The following PCDH11X variants were observed in gnomAD, a reference collection of about 807,000 sequenced individuals.
PCDH11X encodes the protein protocadherin-11 X-linked.
A neutral mutation model predicts 53.3 loss-of-function variants in PCDH11X; 18 were observed. That is an observed-to-expected ratio of 0.34 (90% CI 0.23 to 0.50). The LOEUF is 0.50. Ranked by LOEUF, PCDH11X falls within the 20% of genes least tolerant of loss-of-function variation. The pLI is 0.98. For missense variants in PCDH11X, 570 were observed against 1,032.4 expected, an observed-to-expected ratio of 0.55 and a Z score of 6.14; for synonymous variants, 279 against 393.3, an observed-to-expected ratio of 0.71 and a Z score of 3.44.
At chrX:92,490,756 G>T (rs2073745295) in intron 10 of PCDH11X, among the ~76,000 whole-genome samples, 1 of 97,385 alleles carries the variant, frequency 1.0e-5, no homozygotes, top group Non-Finnish European at 2.0e-5. Context: ...GAGAAAGAAA[G>T]AAAGAGAAAG....
intron 5 of PCDH11X, among the ~76,000 whole-genome samples, chrX:91,870,685 A>G (rs2147712173): frequency 9.0e-6 from 1 of 111,198 alleles, no homozygotes; most frequent in East Asian, 2.8e-4. Context: ...AAAATTAACA[A>G]TACTATTATT....
intron 6 of PCDH11X, among the ~76,000 whole-genome samples, chrX:92,038,678 A>G (rs1477030845): frequency 9.2e-6 from 1 of 108,725 alleles, no homozygotes; most frequent in Non-Finnish European, 1.9e-5. Flanking sequence ...CTGAGTCCCC[A>G]CCCAAACCTC....
At chrX:92,043,302 C>T (rs1287759550) in intron 6 of PCDH11X, among the ~76,000 whole-genome samples, 3 of 109,720 alleles carry the variant, frequency 2.7e-5, no homozygotes, top group Non-Finnish European at 5.7e-5. Flanking sequence ...ACTGTTTTCC[C>T]TGTCAGTTCA....
intron 6 of PCDH11X, among the ~76,000 whole-genome samples, chrX:91,885,561 ATTGC>A (rs1266483903): frequency 1.8e-5 from 2 of 109,564 alleles, no homozygotes; most frequent in Non-Finnish European, 3.8e-5. Flanking sequence ...TTGCATTTTT[ATTGC>A]TTGTGTCATG....
chrX:91,968,765 T>C (rs1054831965), intron 6 of PCDH11X, among the ~76,000 whole-genome samples: 3 of 111,603 alleles, frequency 2.7e-5, no homozygotes, highest in African/African-American at 6.5e-5. Flanking sequence ...CATTGAAATA[T>C]TGCAATAAAA....
intron 6 of PCDH11X, among the ~76,000 whole-genome samples, chrX:91,901,877 T>C (rs1940968300): frequency 8.9e-6 from 1 of 111,909 alleles, no homozygotes; most frequent in Admixed American, 9.5e-5. Flanking sequence ...ATAATTCCTA[T>C]TTTTGAGTTT....
intron 8 of PCDH11X, among the ~76,000 whole-genome samples, chrX:92,294,645 G>A (rs1416447812): frequency 2.7e-5 from 3 of 110,891 alleles, no homozygotes; most frequent in Admixed American, 9.7e-5. Context: ...TGGTCTTGGG[G>A]AAAAACAAGA....
chrX:92,581,227 A>G (rs375862547), intron 10 of PCDH11X, among the ~76,000 whole-genome samples: 55 of 111,973 alleles, frequency 4.9e-4, no homozygotes, highest in East Asian at 4.8e-3. Context: ...TCCCAAAACT[A>G]TAGAATATGC....
intron 10 of PCDH11X, among the ~76,000 whole-genome samples, chrX:92,560,667 G>T (rs374547424): frequency 9.2e-6 from 1 of 108,886 alleles, no homozygotes; most frequent in East Asian, 2.9e-4. Context: ...ATGAACTGGC[G>T]GTGGTTATGG....
intron 8 of PCDH11X, among the ~76,000 whole-genome samples, chrX:92,342,202 C>A (rs1240323497): frequency 4.5e-5 from 5 of 111,209 alleles, no homozygotes; most frequent in Admixed American, 2.9e-4. Flanking sequence ...TGCAGGGCTG[C>A]AGAGGAAAGG....
At chrX:92,408,745 G>T (rs1242591509) in intron 9 of PCDH11X, among the ~76,000 whole-genome samples, 1 of 109,686 alleles carries the variant, frequency 9.1e-6, no homozygotes, top group Non-Finnish European at 1.9e-5. Flanking sequence ...ACCATGCCGG[G>T]CTAATTTTTT....
intron 5 of PCDH11X, among the ~76,000 whole-genome samples, chrX:91,844,986 A>T (rs1438632887): frequency 9.0e-6 from 1 of 111,445 alleles, no homozygotes; most frequent in Non-Finnish European, 1.9e-5. Context: ...AATTCTAGAG[A>T]AACAATTTAA....
intron 6 of PCDH11X, among the ~76,000 whole-genome samples, chrX:91,953,165 T>C (rs753659446): frequency 9.1e-6 from 1 of 109,864 alleles, no homozygotes; most frequent in East Asian, 2.9e-4. Flanking sequence ...TCAATAATAA[T>C]TATATATTTT....
intron 10 of PCDH11X, among the ~76,000 whole-genome samples, chrX:92,581,040 C>T: frequency 9.0e-6 from 1 of 110,738 alleles, no homozygotes; most frequent in Middle Eastern, 4.7e-3. Flanking sequence ...AGCTGCTGAC[C>T]ACCGTTTCTT....
chrX:91,975,030 G>A (rs2147916477), intron 6 of PCDH11X, among the ~76,000 whole-genome samples: 1 of 111,208 alleles, frequency 9.0e-6, no homozygotes, highest in East Asian at 2.9e-4. Context: ...GGAATTACAG[G>A]CATGAGCCGC....
chrX:92,067,357 G>T (rs1196629679), intron 6 of PCDH11X, among the ~76,000 whole-genome samples: 1 of 109,702 alleles, frequency 9.1e-6, no homozygotes, highest in African/African-American at 3.3e-5. Flanking sequence ...GTTTTTGAGG[G>T]TTTTTATCAG....
intron 6 of PCDH11X, among the ~76,000 whole-genome samples, chrX:92,114,741 T>C (rs1308463905): frequency 9.0e-6 from 1 of 111,702 alleles, no homozygotes; most frequent in Non-Finnish European, 1.9e-5. Flanking sequence ...CTGCCTTGCA[T>C]AAACTTGCAG....
intron 8 of PCDH11X, among the ~76,000 whole-genome samples, chrX:92,334,018 C>A (rs1338940041): frequency 1.8e-5 from 2 of 111,020 alleles, no homozygotes; most frequent in Non-Finnish European, 3.8e-5. Context: ...TGTATGGATC[C>A]AGTTATACGT....
chrX:92,105,126 GT>G (rs1369428979), intron 6 of PCDH11X, among the ~76,000 whole-genome samples: 3 of 111,686 alleles, frequency 2.7e-5, no homozygotes, highest in African/African-American at 6.5e-5. Flanking sequence ...CGGCACCGGA[GT>G]TTTGGGTTCA....
Sources: allele counts gnomAD v4.1 joint callset (sites outside exome capture counted in the v4.1 genomes callset), GRCh38; gene constraint gnomAD v4.1.1; transcripts MANE v1.5; gene names NCBI Gene and HGNC (gene_info 2026-07-23, HGNC 2026-07-21).